AXIN1: variants seen among roughly 807,000 people sequenced by gnomAD.
AXIN1 encodes the protein axin 1, also known as axin-1.
AXIN1 carries 30 observed loss-of-function variants against 76.4 expected under a neutral mutation model. The ratio of observed to expected loss-of-function variants is 0.39; its 90% CI spans 0.29 to 0.53. The LOEUF is 0.53. Ranked by LOEUF, AXIN1 falls within the 20% of genes least tolerant of loss-of-function variation. AXIN1 has a pLI of 0.66. For synonymous variants in AXIN1, 545 were observed against 501.4 expected (o/e 1.09, Z -1.16); for missense variants, 1,140 against 1,198.8 (o/e 0.95, Z 0.72).
chr16:329,609 C>T (rs2053652224), intron 2 of AXIN1, among the ~76,000 whole-genome samples: 1 of 151,536 alleles, frequency 6.6e-6, no homozygotes, highest in African/African-American at 2.4e-5. Flanking sequence ...CCATGCCCGG[C>T]TAATTTTTGT....
chr16:320,743 A>ATATATAT (rs397722732), intron 2 of AXIN1, among the ~76,000 whole-genome samples: 72 of 107,626 alleles, frequency 6.7e-4, no homozygotes, highest in East Asian at 9.0e-4. Context: ...ATATATATAT[A>ATATATAT]TTTTTTTTTT....
intron 3 of AXIN1, among the ~76,000 whole-genome samples, chr16:311,352 C>A (rs145974244): frequency 3.3e-5 from 5 of 152,024 alleles, no homozygotes; most frequent in Admixed American, 6.6e-5. Context: ...TCTTTATGAA[C>A]CCTTTAGAAG....
At chr16:314,484 T>G in intron 3 of AXIN1, 59 bp downstream of exon 3, 1 of 1,609,598 alleles carries the variant, frequency 6.2e-7, no homozygotes, top group Non-Finnish European at 8.5e-7. Flanking sequence ...ACAAGGTGTC[T>G]GGGACCGGAC....
At chr16:324,501 C>T (rs147798150) in intron 2 of AXIN1, among the ~76,000 whole-genome samples, 120 of 152,326 alleles carry the variant, frequency 7.9e-4, no homozygotes, top group African/African-American at 2.4e-3. Context: ...CCAACCAACC[C>T]GCCCAGTGTC....
intron 2 of AXIN1, among the ~76,000 whole-genome samples, chr16:340,559 C>G (rs1232536774): frequency 1.3e-5 from 2 of 152,234 alleles, no homozygotes; most frequent in African/African-American, 4.8e-5. Context: ...CCCTGGGCCT[C>G]CCGCCCAACA....
intron 6 of AXIN1, 56 bp from the exon 7 acceptor site, chr16:297,282 C>A (rs1373934432): frequency 2.8e-5 from 44 of 1,595,388 alleles, no homozygotes; most frequent in Non-Finnish European, 3.6e-5. Flanking sequence ...GGCTGTGCCC[C>A]TTCCTCGTCT....
rs2052621888 is a variant in AXIN1 at position 293,384 on chromosome 16, G to C, written c.2186+104C>G. 1 of 1,165,048 alleles carries C rather than the reference G, an allele frequency of 8.6e-7. No individual in the cohort carries two copies. Among genetic ancestry groups the C allele is most frequent in the South Asian group, 1.3e-5 (1 of 75,318 alleles). The allele number at this position is 1,165,048 out of a possible 1,614,324, so 72.2% of individuals were successfully genotyped here. On this transcript the variant is annotated intron_variant, in intron 8 of 10. Coordinates refer to ENST00000262320, the MANE Select transcript of AXIN1 (RefSeq NM_003502.4). This position sits in a 1 kb window ranked among gnomAD's most constrained non-coding sequence, Gnocchi z 4.6. ...CCAGTATGGCTGGGGGACACCCAGA[G>C]GGCCGTTTTTCCCCTGAAGACCTCA...
intron 2 of AXIN1, among the ~76,000 whole-genome samples, chr16:319,886 G>A (rs1460090923): frequency 2.0e-5 from 3 of 152,318 alleles, no homozygotes; most frequent in South Asian, 4.1e-4. Context: ...CTGGGCCACC[G>A]TCGGATCGGG....
intron 2 of AXIN1, among the ~76,000 whole-genome samples, chr16:329,659 A>T (rs1368291953): frequency 1.3e-5 from 2 of 150,224 alleles, no homozygotes; most frequent in Non-Finnish European, 1.5e-5. Flanking sequence ...TATGTCGCCC[A>T]GGCTAGAGTG....
At chr16:299,362 T>G (rs1373958731) in intron 5 of AXIN1, among the ~76,000 whole-genome samples, 1 of 152,182 alleles carries the variant, frequency 6.6e-6, no homozygotes, top group Non-Finnish European at 1.5e-5. Context: ...ATGTATGTAT[T>G]TATTTATTTA....
At position 289,512 on chromosome 16, in the gene AXIN1, C is replaced by T. The variant is rs867213399; in HGVS notation, c.2390G>A (p.Arg797His). 1 of 1,612,956 alleles carries T rather than the reference C, an allele frequency of 6.2e-7. No homozygotes were observed. Among genetic ancestry groups the T allele is most frequent in the Non-Finnish European group, 8.5e-7 (1 of 1,180,014 alleles). The change falls in exon 10 of 11, where the codon CGC (arginine) becomes CAC (histidine). Residue 797 changes from arginine (R) to histidine (H), a missense_variant. By Grantham distance (29) the Arg-to-His change is conservative. Coordinates refer to ENST00000262320, the MANE Select transcript of AXIN1 (RefSeq NM_003502.4). ...GACAGCGCGGCCCCTCACCAGGGTGCGGTAGGGGATGGGTTCCCCGCAGAA... is the reference window on the plus strand; with the variant it reads ...GACAGCGCGGCCCCTCACCAGGGTGTGGTAGGGGATGGGTTCCCCGCAGAA... ...YYFCGEPIPY[R>H]TLVRGRAVTL...
intron 2 of AXIN1, among the ~76,000 whole-genome samples, chr16:330,731 A>G (rs2053676041): frequency 6.6e-6 from 1 of 152,230 alleles, no homozygotes; most frequent in South Asian, 2.1e-4. Context: ...GTAGAACAAA[A>G]AAATGTTTTA....
intron 2 of AXIN1, among the ~76,000 whole-genome samples, chr16:335,797 G>A (rs1395154573): frequency 6.6e-6 from 1 of 152,184 alleles, no homozygotes; most frequent in East Asian, 1.9e-4. Context: ...CTTTATCCAA[G>A]AGGTTTTACA....
At chr16:318,259 C>G (rs9746544) in intron 2 of AXIN1, among the ~76,000 whole-genome samples, 1 of 152,200 alleles carries the variant, frequency 6.6e-6, no homozygotes, top group African/African-American at 2.4e-5. Context: ...TTTGGAAAAC[C>G]TGTTTGTCTT....
intron 9 of AXIN1, 56 bp from the exon 10 acceptor site, chr16:289,663 C>G (rs561891908): frequency 3.1e-6 from 5 of 1,602,522 alleles, no homozygotes. Flanking sequence ...CCCACAGGGT[C>G]CCTCCTGCTG....
At chr16:330,139 C>A (rs558641376) in intron 2 of AXIN1, among the ~76,000 whole-genome samples, 1 of 150,996 alleles carries the variant, frequency 6.6e-6, no homozygotes, top group South Asian at 2.1e-4. Context: ...CAGCTCACTG[C>A]AGCCTCAACC....
rs2052540197 is a variant in AXIN1 at position 290,948 on chromosome 16, C to A, written c.2294+242G>T. The A allele has an allele frequency of 7.1e-5, 41 of 577,794 alleles. No homozygotes were observed. In the South Asian group the frequency reaches 7.8e-4, roughly 11 times the overall value. 35.8% of individuals were successfully genotyped at this position (577,794 alleles called of 1,614,324 possible). A position where few individuals can be genotyped will look rare whatever the true frequency, so the allele number is the denominator to read the frequency against. On this transcript the variant is annotated intron_variant, in intron 9 of 10. Transcript: ENST00000262320. Reference sequence around the variant, plus strand: ...ATGCAGGGGCTGGCTGTGCCCAGGCCTCCAGCCGGGCCTTTTGGTCACTTG... The same window carrying A: ...ATGCAGGGGCTGGCTGTGCCCAGGCATCCAGCCGGGCCTTTTGGTCACTTG...
chr16:347,341 C>A (rs1382408429), intron 1 of AXIN1, among the ~76,000 whole-genome samples: 1 of 152,214 alleles, frequency 6.6e-6, no homozygotes, highest in Non-Finnish European at 1.5e-5. Flanking sequence ...AAGGGATGCC[C>A]AGGACATGGG....
chr16:318,744 G>A (rs2053363912), intron 2 of AXIN1, among the ~76,000 whole-genome samples: 1 of 152,242 alleles, frequency 6.6e-6, no homozygotes, highest in East Asian at 1.9e-4. Flanking sequence ...GCATGCCCAT[G>A]TGTGCACCTG....
Sources: allele counts gnomAD v4.1 joint callset (sites outside exome capture counted in the v4.1 genomes callset), GRCh38; gene constraint gnomAD v4.1.1; non-coding constraint Gnocchi (gnomAD v3.1); transcripts MANE v1.5; gene names NCBI Gene and HGNC (gene_info 2026-07-23, HGNC 2026-07-21).